APBB2: variants seen among roughly 807,000 people sequenced by gnomAD.
APBB2 encodes amyloid beta precursor protein binding family B member 2, also known as Fe65-like 1.
In APBB2, 38 loss-of-function variants were observed where a neutral mutation model predicts 82.5. The observed-to-expected ratio is 0.46, with a 90% CI of 0.36 to 0.60. The LOEUF (loss-of-function observed/expected upper bound fraction) is 0.60, where lower values mean the gene tolerates loss of function less well. Among genes scored for constraint, APBB2 ranks in the 20% least tolerant of loss-of-function variants. The pLI is 0.00. For missense variants in APBB2, 772 were observed against 972.3 expected (o/e 0.79, Z 2.74); for synonymous variants, 341 against 368.2 (o/e 0.93, Z 0.85).
chr4:40,907,836 T>TG (rs1777463443), intron 10 of APBB2, among the ~76,000 whole-genome samples: 2 of 150,058 alleles, frequency 1.3e-5, no homozygotes, highest in South Asian at 4.2e-4. Flanking sequence ...TAAAAAAAGG[T>TG]GGGTTTTTTT....
At chr4:40,898,227 G>A (rs1170927518) in intron 10 of APBB2, among the ~76,000 whole-genome samples, 2 of 152,184 alleles carry the variant, frequency 1.3e-5, no homozygotes, top group African/African-American at 4.8e-5. Flanking sequence ...ATGCCTGGCA[G>A]ACAGTCAAAA....
chr4:40,988,303 T>C (rs529135753), intron 6 of APBB2, among the ~76,000 whole-genome samples: 1 of 152,308 alleles, frequency 6.6e-6, no homozygotes, highest in Admixed American at 6.5e-5. Flanking sequence ...TTAATTAAAG[T>C]TTACTACTTC....
chr4:41,068,223 G>A (rs760943865), intron 3 of APBB2, among the ~76,000 whole-genome samples: 2 of 152,098 alleles, frequency 1.3e-5, no homozygotes, highest in African/African-American at 4.8e-5. Context: ...TTCTAAATTA[G>A]GCACAGTAAG....
chr4:41,026,943 A>G (rs1714513885), intron 5 of APBB2, among the ~76,000 whole-genome samples: 1 of 152,212 alleles, frequency 6.6e-6, no homozygotes, highest in African/African-American at 2.4e-5. Flanking sequence ...TCTCTCAAAA[A>G]AAAAGTATCA....
At chr4:41,106,156 T>C (rs1288562204) in intron 2 of APBB2, among the ~76,000 whole-genome samples, 1 of 152,164 alleles carries the variant, frequency 6.6e-6, no homozygotes, top group African/African-American at 2.4e-5. Context: ...TTAATGGATA[T>C]AAAAAAGGGT....
At chr4:41,004,650 C>T (rs959259553) in intron 6 of APBB2, among the ~76,000 whole-genome samples, 2 of 151,668 alleles carry the variant, frequency 1.3e-5, no homozygotes, top group African/African-American at 4.8e-5. Context: ...TCCTGCCTAA[C>T]ATGGTGAAAC....
chr4:41,057,296 C>A (rs1263635379), intron 4 of APBB2, among the ~76,000 whole-genome samples: 1 of 151,920 alleles, frequency 6.6e-6, no homozygotes, highest in Non-Finnish European at 1.5e-5. Context: ...ACTAAAAATA[C>A]AAAAATTAGC....
chr4:41,210,992 C>T (rs190901691), intron 1 of APBB2, among the ~76,000 whole-genome samples: 10 of 152,168 alleles, frequency 6.6e-5, no homozygotes, highest in Admixed American at 3.3e-4. Context: ...TGATGGCTCA[C>T]GCCTGTAATC....
intron 6 of APBB2, among the ~76,000 whole-genome samples, chr4:40,954,528 A>G (rs145526119): frequency 2.6e-5 from 4 of 152,326 alleles, no homozygotes; most frequent in Non-Finnish European, 5.9e-5. Context: ...GTTCTCAAGC[A>G]TGAGAGTCAC....
intron 7 of APBB2, among the ~76,000 whole-genome samples, chr4:40,942,086 T>G (rs1317818445): frequency 6.6e-6 from 1 of 152,204 alleles, no homozygotes; most frequent in Non-Finnish European, 1.5e-5. Flanking sequence ...GTTCTCCTAT[T>G]CCTCTTCTAT....
chr4:40,933,168 A>C (rs904788289), intron 10 of APBB2, among the ~76,000 whole-genome samples: 1 of 152,164 alleles, frequency 6.6e-6, no homozygotes, highest in Non-Finnish European at 1.5e-5. Flanking sequence ...CTGGCCGTTA[A>C]TGTGTTTTTT....
chr4:41,146,010 T>C (rs1003204006), intron 1 of APBB2, among the ~76,000 whole-genome samples: 4 of 151,774 alleles, frequency 2.6e-5, no homozygotes, highest in African/African-American at 4.8e-5. Context: ...GGCAACATAG[T>C]GAGACCCTAT....
chr4:40,851,114 T>G (rs62410274), intron 12 of APBB2, among the ~76,000 whole-genome samples: 18,396 of 152,074 alleles, frequency 0.12, 1,254 homozygotes, highest in Non-Finnish European at 0.15. Flanking sequence ...AAAAAAACAA[T>G]GAACATTTTC....
chr4:40,863,698 G>C (rs1031555269), intron 12 of APBB2, among the ~76,000 whole-genome samples: 6 of 151,896 alleles, frequency 4.0e-5, no homozygotes, highest in South Asian at 2.1e-4. Flanking sequence ...TTCGAGGCCA[G>C]CCTGGCCAAC....
intron 11 of APBB2, 26 bp from the exon 12 acceptor site, chr4:40,890,517 G>A: frequency 1.2e-6 from 2 of 1,612,650 alleles, no homozygotes; most frequent in South Asian, 1.1e-5. Context: ...AAAACACGCT[G>A]TCTTCTTCAT....
intron 2 of APBB2, among the ~76,000 whole-genome samples, chr4:41,130,904 T>C (rs567876079): frequency 1.3e-5 from 2 of 152,210 alleles, no homozygotes; most frequent in Admixed American, 1.3e-4. Flanking sequence ...TCCTGTGGCC[T>C]TCAGCACCCA....
intron 12 of APBB2, among the ~76,000 whole-genome samples, chr4:40,875,529 A>G (rs1766664835): frequency 6.6e-6 from 1 of 152,268 alleles, no homozygotes; most frequent in African/African-American, 2.4e-5. Flanking sequence ...TATCATTTCA[A>G]TGTGTAATCA....
chr4:41,010,573 A>C (rs564975189), intron 6 of APBB2, among the ~76,000 whole-genome samples: 1 of 152,320 alleles, frequency 6.6e-6, no homozygotes, highest in East Asian at 1.9e-4. Flanking sequence ...GGTAGACTGG[A>C]GTGCACAAAC....
intron 12 of APBB2, among the ~76,000 whole-genome samples, chr4:40,889,098 T>G (rs1003087595): frequency 6.6e-6 from 1 of 152,230 alleles, no homozygotes; most frequent in African/African-American, 2.4e-5. Flanking sequence ...CCCCAAAGCA[T>G]CTGGCCCAGC....
Sources: gnomAD v4.1 joint callset for allele counts (sites outside exome capture counted in the v4.1 genomes callset) on GRCh38, gnomAD v4.1.1 for gene constraint, MANE v1.5 for transcripts, NCBI Gene and HGNC (gene_info 2026-07-23, HGNC 2026-07-21) for gene names.